Variants in RGS7 observed in about 807,000 individuals in gnomAD.
RGS7 encodes regulator of G protein signaling 7.
In RGS7, 27 loss-of-function variants were observed where a neutral mutation model predicts 81.1. The ratio of observed to expected loss-of-function variants is 0.33; its 90% CI spans 0.25 to 0.46. RGS7 has a LOEUF of 0.46. Ranked by LOEUF, RGS7 falls within the 20% of genes least tolerant of loss-of-function variation. The pLI is 1.00. For synonymous variants in RGS7, 208 were observed against 207.7 expected, an observed-to-expected ratio of 1.00 and a Z score of -0.01; for missense variants, 396 against 607.4, an observed-to-expected ratio of 0.65 and a Z score of 3.66.
chr1:241,143,095 C>T (rs773404220), intron 2 of RGS7, among the ~76,000 whole-genome samples: 1 of 152,162 alleles, frequency 6.6e-6, no homozygotes, highest in East Asian at 1.9e-4. Context: ...CATCTGAGAC[C>T]ACCTCAGCCT....
At chr1:241,235,724 T>C (rs2075925134) in intron 2 of RGS7, among the ~76,000 whole-genome samples, 1 of 150,836 alleles carries the variant, frequency 6.6e-6, no homozygotes, top group East Asian at 2.0e-4. Context: ...CTCCCTTCCT[T>C]TCCTTTCCTT....
intron 2 of RGS7, among the ~76,000 whole-genome samples, chr1:241,312,585 C>G (rs961098834): frequency 6.6e-6 from 1 of 152,108 alleles, no homozygotes; most frequent in Non-Finnish European, 1.5e-5. Flanking sequence ...AACCCACACC[C>G]CTTTAAAATG....
At chr1:241,133,000 A>C (rs200217049) in intron 2 of RGS7, among the ~76,000 whole-genome samples, 1 of 151,920 alleles carries the variant, frequency 6.6e-6, no homozygotes, top group Non-Finnish European at 1.5e-5. Flanking sequence ...CTGACCTCGT[A>C]ATCCGCCTGC....
chr1:241,293,389 G>C (rs2079199232), intron 2 of RGS7, among the ~76,000 whole-genome samples: 1 of 152,090 alleles, frequency 6.6e-6, no homozygotes, highest in Non-Finnish European at 1.5e-5. Context: ...TATATAATAA[G>C]TTAATTATAA....
intron 2 of RGS7, among the ~76,000 whole-genome samples, chr1:241,236,550 G>T (rs1175045086): frequency 2.0e-5 from 3 of 152,096 alleles, no homozygotes; most frequent in African/African-American, 7.2e-5. Flanking sequence ...GTTATGGACA[G>T]GAAAGACCTT....
chr1:241,312,956 T>C lies in RGS7; in HGVS notation c.78+42743A>G, dbSNP rs577577282. On this transcript the variant is annotated intron_variant, in intron 2 of 18. Transcript: ENST00000440928. ...GAGTGAAACGGCCTTATTGCTGATA[T>C]GGAGAAAGTTTTTGTGGTCTGGATA... Among the ~76,000 whole-genome samples the C allele has an allele frequency of 2.0e-4, 30 of 152,060 alleles. No homozygotes were observed. In the East Asian group the frequency reaches 2.9e-3, roughly 15 times the overall value.
At chr1:241,331,935 T>C (rs534768377) in intron 2 of RGS7, among the ~76,000 whole-genome samples, 1 of 152,340 alleles carries the variant, frequency 6.6e-6, no homozygotes, top group African/African-American at 2.4e-5. Flanking sequence ...GGAAACCTGC[T>C]GGCCTGGGAA....
chr1:241,181,398 CAT>C (rs2071607399), intron 2 of RGS7, among the ~76,000 whole-genome samples: 1 of 152,120 alleles, frequency 6.6e-6, no homozygotes, highest in South Asian at 2.1e-4. Context: ...TTAAAACAAT[CAT>C]AAAAGAACAG....
rs765201634 is a variant in RGS7 at position 240,811,900 on chromosome 1, C to T, written c.1082+18G>A. ...ACAGTATTTCTCTGGCTTATAAGAT[C>T]CAAGCAATGTGTTTTACCTTAAATT... On this transcript the variant is annotated intron_variant, in intron 14 of 18. Transcript: ENST00000440928. The T allele has an allele frequency of 6.3e-7, 1 of 1,599,820 alleles. No individual in the cohort carries two copies. Among genetic ancestry groups the T allele is most frequent in the Non-Finnish European group, 8.6e-7 (1 of 1,166,914 alleles).
intron 4 of RGS7, among the ~76,000 whole-genome samples, chr1:240,982,189 G>GA (rs1685007825): frequency 1.2e-4 from 1 of 8,582 alleles, no homozygotes; most frequent in Admixed American, 2.7e-3. Context: ...GGGAGGCCAA[G>GA]TGGGTGGATC....
chr1:241,325,805 G>A (rs1299854520), intron 2 of RGS7, among the ~76,000 whole-genome samples: 2 of 152,134 alleles, frequency 1.3e-5, no homozygotes, highest in African/African-American at 2.4e-5. Flanking sequence ...CAGAGGGGAA[G>A]GGAGGAGGAA....
intron 3 of RGS7, among the ~76,000 whole-genome samples, chr1:241,064,388 A>C (rs73125561): frequency 0.034 from 4,796 of 142,660 alleles, 258 homozygotes; most frequent in African/African-American, 0.11. Context: ...GAATTGGAGA[A>C]CAGCCTGGGC....
At chr1:241,343,843 G>A (rs1243627467) in intron 2 of RGS7, among the ~76,000 whole-genome samples, 1 of 151,668 alleles carries the variant, frequency 6.6e-6, no homozygotes, top group Non-Finnish European at 1.5e-5. Flanking sequence ...AGCTAAAATG[G>A]TACATTTTAT....
At chr1:240,842,326 G>C (rs1456711805) in intron 9 of RGS7, among the ~76,000 whole-genome samples, 3 of 150,528 alleles carry the variant, frequency 2.0e-5, no homozygotes, top group African/African-American at 7.3e-5. Flanking sequence ...AGCCTCCCGA[G>C]TAGCTGGGAT....
intron 4 of RGS7, among the ~76,000 whole-genome samples, chr1:240,955,033 A>G (rs1680139965): frequency 6.6e-6 from 1 of 152,206 alleles, no homozygotes; most frequent in Admixed American, 6.5e-5. Context: ...CTAACAAAAT[A>G]TATACAAAAT....
At chr1:240,852,670 T>C (rs750771135) in intron 9 of RGS7, among the ~76,000 whole-genome samples, 6 of 152,208 alleles carry the variant, frequency 3.9e-5, no homozygotes, top group Non-Finnish European at 7.3e-5. Flanking sequence ...GATTCTCCAA[T>C]GTTGCCTCTG....
intron 2 of RGS7, among the ~76,000 whole-genome samples, chr1:241,153,911 T>C (rs2068931514): frequency 6.6e-6 from 1 of 152,240 alleles, no homozygotes; most frequent in African/African-American, 2.4e-5. Context: ...TACAGTACTA[T>C]GGCACAAAAT....
chr1:240,854,388 C>T (rs1174359790), intron 9 of RGS7, among the ~76,000 whole-genome samples: 6 of 152,082 alleles, frequency 3.9e-5, no homozygotes, highest in Non-Finnish European at 7.4e-5. Context: ...CAGAAAAAAG[C>T]GTTATGCACC....
At chr1:240,990,107 G>A (rs977925963) in intron 3 of RGS7, among the ~76,000 whole-genome samples, 7 of 152,174 alleles carry the variant, frequency 4.6e-5, no homozygotes, top group African/African-American at 1.7e-4. Flanking sequence ...GCTGCAGGGA[G>A]GTGCCCATTC....
Sources: allele counts gnomAD v4.1 joint callset (sites outside exome capture counted in the v4.1 genomes callset), GRCh38; gene constraint gnomAD v4.1.1; transcripts MANE v1.5; gene names NCBI Gene and HGNC (gene_info 2026-07-23, HGNC 2026-07-21).